The following EYS variants were observed in gnomAD, a reference collection of about 807,000 sequenced individuals.
EYS encodes protein eyes shut homolog.
EYS carries 250 observed loss-of-function variants against 282.1 expected under a neutral mutation model. The ratio of observed to expected loss-of-function variants is 0.89; its 90% CI spans 0.80 to 0.98. EYS has a LOEUF of 0.98. Ranked by LOEUF, EYS falls within the 50% of genes least tolerant of loss-of-function variation. The pLI, the probability that EYS is intolerant of heterozygous loss-of-function variation, is 0.00. For synonymous variants in EYS, 1,355 were observed against 1,282.9 expected (o/e 1.06, Z -1.20); for missense variants, 4,016 against 3,709.0 (o/e 1.08, Z -2.15).
chr6:64,535,006 C>T (rs1275863677), intron 26 of EYS, among the ~76,000 whole-genome samples: 4 of 152,092 alleles, frequency 2.6e-5, no homozygotes, highest in Non-Finnish European at 5.9e-5. Flanking sequence ...TACTAAACTT[C>T]CTCTTTGGTC....
chr6:64,896,469 C>A (rs75956146), intron 18 of EYS, among the ~76,000 whole-genome samples: 1 of 152,108 alleles, frequency 6.6e-6, no homozygotes, highest in South Asian at 2.1e-4. Context: ...GGTGCCTACA[C>A]CACAAGGGCA....
intron 31 of EYS, among the ~76,000 whole-genome samples, chr6:64,185,717 A>AT (rs1194141937): frequency 1.3e-5 from 2 of 152,216 alleles, no homozygotes; most frequent in African/African-American, 4.8e-5. Flanking sequence ...AAAAACTGTG[A>AT]TTTTCAAAGC....
chr6:65,421,796 G>A (rs565354666), intron 5 of EYS, among the ~76,000 whole-genome samples: 1 of 151,824 alleles, frequency 6.6e-6, no homozygotes, highest in East Asian at 1.9e-4. Context: ...CATGAGAAGA[G>A]GGGGAGAGAA....
intron 11 of EYS, among the ~76,000 whole-genome samples, chr6:65,317,885 T>TCTTTCTTTC (rs1769354763): frequency 1.4e-5 from 1 of 73,386 alleles, no homozygotes; most frequent in Admixed American, 1.2e-4. Flanking sequence ...TTTCTTTCTT[T>TCTTTCTTTC]CAGACAGAGT....
intron 19 of EYS, among the ~76,000 whole-genome samples, chr6:64,872,957 A>G (rs1423615119): frequency 6.6e-6 from 1 of 152,014 alleles, no homozygotes; most frequent in Non-Finnish European, 1.5e-5. Context: ...TAACAGTGGG[A>G]ACTGTTATGA....
chr6:63,830,412 A>G (rs1771597010), intron 36 of EYS, among the ~76,000 whole-genome samples: 1 of 152,236 alleles, frequency 6.6e-6, no homozygotes, highest in African/African-American at 2.4e-5. Context: ...CACGAGAACT[A>G]CATGATGCAT....
At chr6:64,320,215 T>C (rs2150383752) in intron 29 of EYS, among the ~76,000 whole-genome samples, 1 of 152,070 alleles carries the variant, frequency 6.6e-6, no homozygotes, top group South Asian at 2.1e-4. Flanking sequence ...ATTAGATATA[T>C]TGTTTGATAT....
intron 11 of EYS, among the ~76,000 whole-genome samples, chr6:65,318,006 G>T (rs1298350343): frequency 6.6e-6 from 1 of 150,854 alleles, no homozygotes; most frequent in African/African-American, 2.4e-5. Flanking sequence ...TAGCTGGGAT[G>T]ACAGGCGCCC....
chr6:65,184,362 C>T (rs1765465661), intron 12 of EYS, among the ~76,000 whole-genome samples: 1 of 151,768 alleles, frequency 6.6e-6, no homozygotes, highest in Non-Finnish European at 1.5e-5. Flanking sequence ...GTCAAACTTA[C>T]AACCATGATA....
intron 22 of EYS, among the ~76,000 whole-genome samples, chr6:64,796,906 T>C (rs1326844983): frequency 6.6e-6 from 1 of 152,086 alleles, no homozygotes; most frequent in Non-Finnish European, 1.5e-5. Context: ...TTAGGGATTA[T>C]TTAGAGAAAT....
intron 30 of EYS, among the ~76,000 whole-genome samples, chr6:64,241,559 GTGT>G (rs1766827933): frequency 6.6e-6 from 1 of 151,844 alleles, no homozygotes; most frequent in Non-Finnish European, 1.5e-5. Flanking sequence ...TGTGGGGTCA[GTGT>G]TGTTGTCTCC....
intron 31 of EYS, among the ~76,000 whole-genome samples, chr6:64,119,614 T>A (rs999723199): frequency 6.6e-6 from 1 of 152,190 alleles, no homozygotes; most frequent in Non-Finnish European, 1.5e-5. Flanking sequence ...CCATTTCCAG[T>A]AATGGGTAAT....
chr6:63,890,148 C>A (rs58078962), intron 35 of EYS, among the ~76,000 whole-genome samples: 17,837 of 151,564 alleles, frequency 0.12, 1,270 homozygotes, highest in African/African-American at 0.19. Flanking sequence ...TACTTAGTTT[C>A]CCACACAATA....
At chr6:64,734,065 T>C (rs1231284735) in intron 22 of EYS, among the ~76,000 whole-genome samples, 1 of 151,886 alleles carries the variant, frequency 6.6e-6, no homozygotes, top group Non-Finnish European at 1.5e-5. Flanking sequence ...AGTAACAATA[T>C]TATATTGTGG....
chr6:64,030,803 TCAACTAA>T (rs1482861679), intron 33 of EYS, among the ~76,000 whole-genome samples: 1 of 152,156 alleles, frequency 6.6e-6, no homozygotes, highest in African/African-American at 2.4e-5. Context: ...CCAAATCAGT[TCAACTAA>T]CAACTTCTAC....
At chr6:64,179,374 A>G (rs1764726958) in intron 31 of EYS, among the ~76,000 whole-genome samples, 2 of 152,104 alleles carry the variant, frequency 1.3e-5, no homozygotes, top group South Asian at 4.1e-4. Context: ...CTAAAATGCC[A>G]ATTTTAAATC....
At chr6:64,866,460 A>G (rs191738820) in intron 19 of EYS, among the ~76,000 whole-genome samples, 5 of 151,954 alleles carry the variant, frequency 3.3e-5, no homozygotes, top group African/African-American at 1.2e-4. Context: ...ATTTGCCAAT[A>G]TAGGTCACGC....
intron 8 of EYS, among the ~76,000 whole-genome samples, chr6:65,353,875 C>T (rs1351260623): frequency 6.6e-6 from 1 of 151,990 alleles, no homozygotes; most frequent in Non-Finnish European, 1.5e-5. Context: ...AGTCCCTAAT[C>T]TTCTGTTTGA....
intron 22 of EYS, among the ~76,000 whole-genome samples, chr6:64,661,639 T>A (rs1343509906): frequency 1.3e-5 from 2 of 150,410 alleles, no homozygotes; most frequent in Non-Finnish European, 3.0e-5. Flanking sequence ...AAAATGCTCA[T>A]CATCACTGGC....
Sources: gnomAD v4.1 joint callset for allele counts (sites outside exome capture counted in the v4.1 genomes callset) on GRCh38, gnomAD v4.1.1 for gene constraint, MANE v1.5 for transcripts, NCBI Gene and HGNC (gene_info 2026-07-23, HGNC 2026-07-21) for gene names.